Variants in ADAMTS19 observed in about 807,000 individuals in gnomAD.
ADAMTS19 encodes ADAM metallopeptidase with thrombospondin type 1 motif 19.
A neutral mutation model predicts 153.3 loss-of-function variants in ADAMTS19; 93 were observed. The ratio of observed to expected loss-of-function variants is 0.61; its 90% CI spans 0.51 to 0.72. The LOEUF is 0.72. Among genes scored for constraint, ADAMTS19 ranks in the 30% least tolerant of loss-of-function variants. The pLI is 0.00. For synonymous variants in ADAMTS19, 600 were observed against 556.6 expected, an observed-to-expected ratio of 1.08 and a Z score of -1.10; for missense variants, 1,482 against 1,552.1, an observed-to-expected ratio of 0.95 and a Z score of 0.76.
At chr5:129,682,264 T>G (rs1754854841) in intron 17 of ADAMTS19, among the ~76,000 whole-genome samples, 1 of 152,246 alleles carries the variant, frequency 6.6e-6, no homozygotes, top group South Asian at 2.1e-4. Flanking sequence ...AAGATATTTT[T>G]TCTTTAATGA....
chr5:129,621,600 A>G (rs546345726), intron 9 of ADAMTS19, among the ~76,000 whole-genome samples: 15 of 152,352 alleles, frequency 9.8e-5, no homozygotes, highest in Non-Finnish European at 1.9e-4. Context: ...TTTCAGACAC[A>G]CCATCAGTAG....
chr5:129,537,697 G>A (rs199857624), intron 6 of ADAMTS19, among the ~76,000 whole-genome samples: 1 of 151,672 alleles, frequency 6.6e-6, no homozygotes, highest in African/African-American at 2.4e-5. Context: ...AACACCGCAT[G>A]TTCTCACTCA....
intron 16 of ADAMTS19, among the ~76,000 whole-genome samples, chr5:129,671,653 T>C (rs1404227717): frequency 6.6e-6 from 1 of 152,174 alleles, no homozygotes; most frequent in Non-Finnish European, 1.5e-5. Flanking sequence ...ACAATTATTG[T>C]TTTTCATCAT....
At chr5:129,655,615 C>T (rs25818) in intron 14 of ADAMTS19, among the ~76,000 whole-genome samples, 25,006 of 151,826 alleles carry the variant, frequency 0.16, 2,310 homozygotes, top group East Asian at 0.3. Flanking sequence ...TTTTTTTCCT[C>T]GTAAAAATGC....
intron 10 of ADAMTS19, among the ~76,000 whole-genome samples, chr5:129,625,658 G>T (rs10054148): frequency 0.086 from 13,117 of 152,024 alleles, 637 homozygotes; most frequent in African/African-American, 0.1. Flanking sequence ...AAAGTGTCTG[G>T]TCATATCCTT....
chr5:129,547,467 A>G (rs1349790418), intron 6 of ADAMTS19, among the ~76,000 whole-genome samples: 1 of 150,714 alleles, frequency 6.6e-6, no homozygotes, highest in Non-Finnish European at 1.5e-5. Flanking sequence ...GAACAAATAT[A>G]TCATACTTTA....
In ADAMTS19 at chr5:129,654,441, A is replaced by G. The variant is rs752098582; in HGVS notation, c.2304+8A>G. The G allele has an allele frequency of 6.3e-7, 1 of 1,597,356 alleles. No homozygotes were observed. The highest frequency in any genetic ancestry group is 1.4e-5 in the African/African-American group (1 of 73,584). On this transcript the variant is annotated splice_region_variant and intron_variant, in intron 14 of 22. Coordinates refer to ENST00000274487, the MANE Select transcript of ADAMTS19 (RefSeq NM_133638.6). ...GCAAATGGCAGGTGCCAGGTAAGAC[A>G]TTCCAAAAAAAAAAAGAATTTATAT...
intron 6 of ADAMTS19, among the ~76,000 whole-genome samples, chr5:129,539,071 C>G (rs1368141831): frequency 6.6e-6 from 1 of 152,076 alleles, no homozygotes; most frequent in Non-Finnish European, 1.5e-5. Flanking sequence ...ACGATTATGT[C>G]TGGCAAGTAT....
chr5:129,522,310 T>TACACACACAC (rs1334723835), intron 3 of ADAMTS19, among the ~76,000 whole-genome samples: 6 of 97,366 alleles, frequency 6.2e-5, no homozygotes, highest in Admixed American at 5.5e-4. Context: ...TATATATATA[T>TACACACACAC]ATATATACAC....
chr5:129,729,479 T>G lies in ADAMTS19; in HGVS notation c.3313-5453T>G, dbSNP rs541051411. Reference sequence around the variant, plus strand: ...AACTTGATATTTTATTATTAAAATATTCTAATGAAAATTAGATTCTAAGGC... The same window carrying G: ...AACTTGATATTTTATTATTAAAATAGTCTAATGAAAATTAGATTCTAAGGC... On this transcript the variant is annotated intron_variant, in intron 21 of 22. Transcript: ENST00000274487. Among the ~76,000 whole-genome samples, 15 of 152,042 alleles carry G rather than the reference T, an allele frequency of 9.9e-5. 1 individual carries two copies. In the East Asian group the frequency reaches 2.5e-3, roughly 25 times the overall value.
At chr5:129,703,323 C>G (rs1375325026) in intron 20 of ADAMTS19, among the ~76,000 whole-genome samples, 1 of 151,838 alleles carries the variant, frequency 6.6e-6, no homozygotes, top group Non-Finnish European at 1.5e-5. Flanking sequence ...TTATATCACC[C>G]TCATCCGTTA....
In ADAMTS19 at chr5:129,584,722, C is replaced by T. The variant is rs145022505; in HGVS notation, c.1373-11837C>T. Among the ~76,000 whole-genome samples, 662 of 152,258 alleles carry T rather than the reference C, an allele frequency of 4.3e-3. 6 individuals are homozygous for T. Among genetic ancestry groups the T allele is most frequent in the African/African-American group, 0.015 (618 of 41,548 alleles). The stretch of plus-strand genomic sequence containing the variant: ...TGAGGGGTAAACCGCCTACTCAAGC[C>T]TCATTAATGGTGGATGCCCCTCCCT... On this transcript the variant is annotated intron_variant, in intron 7 of 22. Transcript: ENST00000274487.
At chr5:129,511,204 A>G (rs1301651523) in intron 3 of ADAMTS19, among the ~76,000 whole-genome samples, 2 of 151,898 alleles carry the variant, frequency 1.3e-5, no homozygotes, top group South Asian at 2.1e-4. Flanking sequence ...CTTGTCTTCA[A>G]CTTGGTCTTT....
intron 10 of ADAMTS19, among the ~76,000 whole-genome samples, chr5:129,634,643 T>G (rs30695): frequency 0.42 from 63,562 of 151,760 alleles, 14,785 homozygotes; most frequent in African/African-American, 0.63. Context: ...ACAACTATCT[T>G]ATTTTTGACA....
intron 14 of ADAMTS19, 89 bp downstream of exon 14, chr5:129,654,522 G>A (rs1753459542): frequency 1.1e-5 from 16 of 1,426,242 alleles, no homozygotes; most frequent in Non-Finnish European, 1.3e-5. Context: ...GGAAAGCTTT[G>A]GACTTAGATT....
At chr5:129,528,465 G>A in intron 5 of ADAMTS19, 55 bp from the exon 6 acceptor site, 1 of 1,361,808 alleles carries the variant, frequency 7.3e-7, no homozygotes, top group East Asian at 2.7e-5. Flanking sequence ...TGTTGTTGTT[G>A]TTTTGTATAT....
At chr5:129,716,638 C>T (rs1756744771) in intron 21 of ADAMTS19, among the ~76,000 whole-genome samples, 1 of 150,080 alleles carries the variant, frequency 6.7e-6, no homozygotes, top group Non-Finnish European at 1.5e-5. Flanking sequence ...TAGAAGCTAT[C>T]CTTGGCACTT....
intron 7 of ADAMTS19, among the ~76,000 whole-genome samples, chr5:129,570,795 A>T (rs1753874530): frequency 6.6e-6 from 1 of 151,932 alleles, no homozygotes; most frequent in Non-Finnish European, 1.5e-5. Flanking sequence ...AATCAAATAC[A>T]TTAAAAGTCT....
intron 16 of ADAMTS19, among the ~76,000 whole-genome samples, chr5:129,672,085 G>A (rs1040061550): frequency 2.0e-5 from 3 of 152,108 alleles, no homozygotes; most frequent in African/African-American, 7.2e-5. Context: ...TGCCAGCATG[G>A]TGGGCTTCTG....
Sources: allele counts gnomAD v4.1 joint callset (sites outside exome capture counted in the v4.1 genomes callset), GRCh38; gene constraint gnomAD v4.1.1; transcripts MANE v1.5; gene names NCBI Gene and HGNC (gene_info 2026-07-23, HGNC 2026-07-21).